Variants in ATRNL1 observed in about 807,000 individuals in gnomAD.
ATRNL1 encodes the protein attractin like 1.
Under a neutral mutation model 182.7 loss-of-function variants are expected in ATRNL1, and 95 were observed. The observed-to-expected ratio is 0.52, with a 90% CI of 0.44 to 0.62. The LOEUF is 0.62. ATRNL1 is among the 20% of genes least tolerant of loss of function. The pLI, the probability that ATRNL1 is intolerant of heterozygous loss-of-function variation, is 0.00. For missense variants in ATRNL1, 1,471 were observed against 1,679.5 expected, an observed-to-expected ratio of 0.88 and a Z score of 2.17; for synonymous variants, 576 against 568.3, an observed-to-expected ratio of 1.01 and a Z score of -0.19.
chr10:115,352,678 A>C (rs1169897384), intron 19 of ATRNL1, among the ~76,000 whole-genome samples: 11 of 152,176 alleles, frequency 7.2e-5, no homozygotes, highest in African/African-American at 2.2e-4. Context: ...CAGCTGGATC[A>C]CCTGAGGTTG....
At chr10:115,671,981 C>T (rs1430950673) in intron 26 of ATRNL1, among the ~76,000 whole-genome samples, 1 of 152,002 alleles carries the variant, frequency 6.6e-6, no homozygotes, top group Non-Finnish European at 1.5e-5. Flanking sequence ...AATACAGGGA[C>T]ACTGCCACTA....
chr10:115,280,173 G>C (rs1852293112), intron 13 of ATRNL1, among the ~76,000 whole-genome samples: 1 of 152,180 alleles, frequency 6.6e-6, no homozygotes, highest in Admixed American at 6.5e-5. Context: ...CGAAGAACCT[G>C]ATGTGTGAAG....
chr10:115,385,311 A>G (rs1455589946), intron 19 of ATRNL1, among the ~76,000 whole-genome samples: 1 of 152,052 alleles, frequency 6.6e-6, no homozygotes, highest in African/African-American at 2.4e-5. Context: ...AAGGACATTA[A>G]ATATCTTTTC....
At chr10:115,141,575 C>A (rs1845753502) in intron 5 of ATRNL1, among the ~76,000 whole-genome samples, 1 of 152,080 alleles carries the variant, frequency 6.6e-6, no homozygotes, top group Non-Finnish European at 1.5e-5. Context: ...AATATTTTAT[C>A]TGAAGTATTT....
intron 26 of ATRNL1, among the ~76,000 whole-genome samples, chr10:115,636,221 C>A (rs1858861616): frequency 6.6e-6 from 1 of 152,064 alleles, no homozygotes; most frequent in Admixed American, 6.6e-5. Context: ...AGGAGATAAA[C>A]CTTGGTAGCC....
At chr10:115,474,703 T>C (rs1848454712) in intron 24 of ATRNL1, among the ~76,000 whole-genome samples, 1 of 151,398 alleles carries the variant, frequency 6.6e-6, no homozygotes, top group African/African-American at 2.4e-5. Context: ...AAATCAAGTG[T>C]TATATAAACA....
chr10:115,243,548 G>A (rs1348968303), intron 10 of ATRNL1, among the ~76,000 whole-genome samples: 2 of 151,922 alleles, frequency 1.3e-5, no homozygotes, highest in African/African-American at 2.4e-5. Flanking sequence ...GGTAGTAGGC[G>A]GTAGATCTAA....
At chr10:115,237,559 G>T (rs1465344835) in intron 9 of ATRNL1, among the ~76,000 whole-genome samples, 1 of 152,104 alleles carries the variant, frequency 6.6e-6, no homozygotes, top group Non-Finnish European at 1.5e-5. Context: ...CAGATCTTTT[G>T]CCTTTTTTAA....
intron 21 of ATRNL1, among the ~76,000 whole-genome samples, chr10:115,449,142 A>T (rs1847160262): frequency 6.6e-6 from 1 of 152,150 alleles, no homozygotes; most frequent in Non-Finnish European, 1.5e-5. Flanking sequence ...TTCTGCTCGA[A>T]TGTTGCCTTT....
At chr10:115,202,987 C>A (rs1311671482) in intron 8 of ATRNL1, among the ~76,000 whole-genome samples, 1 of 151,572 alleles carries the variant, frequency 6.6e-6, no homozygotes, top group African/African-American at 2.4e-5. Context: ...AGGAATTTAT[C>A]CATTTCTTCT....
rs782077494 is a variant in ATRNL1 at position 115,403,257 on chromosome 10, C to CCTT, written c.3269+8505_3269+8506insCTT. 2.0e-3 allele frequency among the ~76,000 whole-genome samples: 214 copies of CCTT among 107,434 alleles called. 1 individual carries two copies. The highest frequency in any genetic ancestry group is 2.0e-3 in the Non-Finnish European group (118 of 58,508). The allele number at this position is 107,434 out of a possible 152,430, so 70.5% of individuals were successfully genotyped here. On this transcript the variant is annotated intron_variant, in intron 20 of 28. Transcript: ENST00000355044. ...CTTTATTTTTCCTAATTACTCTCAT[C>CCTT]TTTTTTTTTTTTTTTTTTTAGTCTG...
intron 18 of ATRNL1, among the ~76,000 whole-genome samples, chr10:115,327,300 G>T (rs1554933649): frequency 1.3e-5 from 2 of 150,376 alleles, no homozygotes; most frequent in African/African-American, 4.9e-5. Context: ...CTTCTCAAAA[G>T]AAGACATTTA....
chr10:115,128,112 C>G (rs879999897), intron 4 of ATRNL1, among the ~76,000 whole-genome samples: 1 of 152,134 alleles, frequency 6.6e-6, no homozygotes, highest in Non-Finnish European at 1.5e-5. Flanking sequence ...TTTGTAGTCC[C>G]TATTGCAGAG....
chr10:115,120,123 C>T (rs185127269), intron 1 of ATRNL1, 62 bp from the exon 2 acceptor site: 2 of 957,266 alleles, frequency 2.1e-6, no homozygotes, highest in Non-Finnish European at 1.6e-6. Flanking sequence ...TTTTCTTATC[C>T]TGCTATATGT....
chr10:115,723,602 G>A (rs1350041576), intron 26 of ATRNL1, among the ~76,000 whole-genome samples: 1 of 150,326 alleles, frequency 6.7e-6, no homozygotes, highest in East Asian at 2.0e-4. Flanking sequence ...AGGCTGGAGT[G>A]CAATGACGCA....
intron 26 of ATRNL1, among the ~76,000 whole-genome samples, chr10:115,601,122 C>T (rs1856572369): frequency 1.3e-5 from 2 of 151,696 alleles, no homozygotes; most frequent in African/African-American, 4.8e-5. Flanking sequence ...TTAATTTCTT[C>T]TTTGGCTCAT....
Position 115,748,367 on chromosome 10 carries a change from CCT to C in ATRNL1, c.3903+21017_3903+21018del, listed in dbSNP as rs1416494514. The stretch of plus-strand genomic sequence containing the variant: ...GCTGCATCTTTTTTTTTTTTTTTTG[CCT>C]CTCTGTTGTAAATTGGTAGGGATTG... On this transcript the variant is annotated intron_variant, in intron 27 of 28. Transcript: ENST00000355044. Among the ~76,000 whole-genome samples, 4 of 136,712 alleles carry C rather than the reference CCT, an allele frequency of 2.9e-5. No individual in the cohort carries two copies. In the South Asian group the frequency reaches 6.8e-4, roughly 23 times the overall value. 89.7% of individuals were successfully genotyped at this position (136,712 alleles called of 152,430 possible).
intron 24 of ATRNL1, among the ~76,000 whole-genome samples, chr10:115,473,961 T>C (rs576219776): frequency 1.3e-5 from 2 of 151,454 alleles, no homozygotes; most frequent in East Asian, 2.0e-4. Context: ...GTCTCTTTTT[T>C]CTTGGTTAGT....
intron 28 of ATRNL1, among the ~76,000 whole-genome samples, chr10:115,849,793 G>T (rs1239457899): frequency 1.3e-5 from 2 of 152,052 alleles, no homozygotes; most frequent in African/African-American, 4.8e-5. Context: ...TAGAGCAAAA[G>T]AATAAAAAAT....
Sources: gnomAD v4.1 joint callset for allele counts (sites outside exome capture counted in the v4.1 genomes callset) on GRCh38, gnomAD v4.1.1 for gene constraint, MANE v1.5 for transcripts, NCBI Gene and HGNC (gene_info 2026-07-23, HGNC 2026-07-21) for gene names.